The following ADGRV1 variants were observed in gnomAD, a reference collection of about 807,000 sequenced individuals.
ADGRV1 encodes the protein adhesion G protein-coupled receptor V1, also known as G-protein coupled receptor 98.
ADGRV1 carries 359 observed loss-of-function variants against 596.2 expected under a neutral mutation model. The observed-to-expected ratio is 0.60, with a 90% CI of 0.55 to 0.66. ADGRV1 has a LOEUF of 0.66. ADGRV1 is among the 30% of genes least tolerant of loss of function. ADGRV1 has a pLI of 0.00. For synonymous variants in ADGRV1, 2,681 were observed against 2,679.2 expected, an observed-to-expected ratio of 1.00 and a Z score of -0.02; for missense variants, 7,274 against 7,575.6, an observed-to-expected ratio of 0.96 and a Z score of 1.48.
At chr5:90,736,940 T>C (rs1753307007) in intron 50 of ADGRV1, among the ~76,000 whole-genome samples, 1 of 151,744 alleles carries the variant, frequency 6.6e-6, no homozygotes, top group Non-Finnish European at 1.5e-5. Context: ...TTTTTTCTAT[T>C]GTTTTTCTAG....
chr5:90,990,542 G>A (rs773662669), intron 85 of ADGRV1, among the ~76,000 whole-genome samples: 10 of 152,122 alleles, frequency 6.6e-5, no homozygotes, highest in Admixed American at 3.9e-4. Flanking sequence ...CTGACAGGAG[G>A]CAGACCTTAA....
At chr5:90,890,782 T>G (rs1420720383) in intron 83 of ADGRV1, among the ~76,000 whole-genome samples, 2 of 152,166 alleles carry the variant, frequency 1.3e-5, no homozygotes, top group Admixed American at 6.6e-5. Context: ...TTGTAACAAC[T>G]TATATTTCTA....
intron 50 of ADGRV1, among the ~76,000 whole-genome samples, chr5:90,733,941 G>A (rs1016300983): frequency 7.9e-5 from 12 of 151,856 alleles, no homozygotes; most frequent in Non-Finnish European, 1.2e-4. Context: ...GCTCTTCCCC[G>A]CCCTGGTGAC....
chr5:90,618,904 C>T (rs1414595290), intron 3 of ADGRV1, among the ~76,000 whole-genome samples, 182 bp from the exon 4 acceptor site: 2 of 151,778 alleles, frequency 1.3e-5, no homozygotes, highest in Non-Finnish European at 2.9e-5. Context: ...GAAAATTTTT[C>T]ATTTGGAACT....
At chr5:90,805,901 A>C (rs945140624) in intron 72 of ADGRV1, among the ~76,000 whole-genome samples, 1 of 152,168 alleles carries the variant, frequency 6.6e-6, no homozygotes, top group Non-Finnish European at 1.5e-5. Flanking sequence ...GTGAGATGCA[A>C]ATGTTAGATG....
intron 1 of ADGRV1, among the ~76,000 whole-genome samples, chr5:90,580,129 T>A (rs1242964164): frequency 6.6e-6 from 1 of 152,234 alleles, no homozygotes; most frequent in East Asian, 1.9e-4. Flanking sequence ...TTAATATTGT[T>A]ATGTGTGAAT....
intron 87 of ADGRV1, among the ~76,000 whole-genome samples, chr5:91,115,364 C>T (rs572399884): frequency 6.6e-6 from 1 of 152,240 alleles, no homozygotes; most frequent in East Asian, 1.9e-4. Flanking sequence ...AATGAAGATA[C>T]TTAGAGGTGC....
At chr5:90,716,825 A>AG (rs1472010003) in intron 43 of ADGRV1, 96 bp downstream of exon 43, 8 of 859,768 alleles carry the variant, frequency 9.3e-6, no homozygotes, top group Non-Finnish European at 1.4e-5. Flanking sequence ...GAATGAAAAA[A>AG]CAATACTTCC....
intron 59 of ADGRV1, among the ~76,000 whole-genome samples, chr5:90,770,701 C>T (rs941270949): frequency 6.6e-6 from 1 of 151,988 alleles, no homozygotes; most frequent in African/African-American, 2.4e-5. Context: ...AACAAACAAA[C>T]AAACAAACAA....
rs1255156922 is a variant in ADGRV1 at position 90,842,417 on chromosome 5, TG to T, written c.17019+1433del. ...TTGGAGGGATAAAATATATTTTAAA[TG>T]TTATAAAAATATTGTAATATTGTAA... On this transcript the variant is annotated intron_variant, in intron 78 of 89. Transcript: ENST00000405460. 3.9e-5 allele frequency among the ~76,000 whole-genome samples: 6 copies of T among 152,254 alleles called. No individual in the cohort carries two copies. In the East Asian group the frequency reaches 1.2e-3, roughly 29 times the overall value.
intron 1 of ADGRV1, among the ~76,000 whole-genome samples, chr5:90,564,625 A>ATATATTTTTTTTTTTT (rs1391157470): frequency 3.6e-4 from 12 of 33,598 alleles, no homozygotes; most frequent in African/African-American, 2.8e-3. Flanking sequence ...ATATATATAT[A>ATATATTTTTTTTTTTT]TTTTTTTTTT....
intron 87 of ADGRV1, among the ~76,000 whole-genome samples, chr5:91,114,017 G>A (rs958828037): frequency 4.6e-5 from 7 of 152,090 alleles, no homozygotes; most frequent in African/African-American, 1.7e-4. Context: ...AGGAGTTTGA[G>A]ACCAGCCTGG....
At chr5:91,013,717 T>A (rs1782914190) in intron 85 of ADGRV1, among the ~76,000 whole-genome samples, 1 of 152,162 alleles carries the variant, frequency 6.6e-6, no homozygotes, top group Admixed American at 6.6e-5. Flanking sequence ...TTTCATTAGA[T>A]CACATTTGTC....
rs559311398 is a variant in ADGRV1, at chr5:90,711,307, T to C, written c.9027T>C (p.Tyr3009=). The C allele has an allele frequency of 1.2e-6, 2 of 1,610,090 alleles. No homozygotes were observed. Among genetic ancestry groups the C allele is most frequent in the South Asian group, 2.2e-5 (2 of 89,644 alleles). The change falls in exon 41 of 90, where the codon TAT becomes TAC. Residue 3009 remains tyrosine, a synonymous_variant. Coordinates refer to ENST00000405460, the MANE Select transcript of ADGRV1 (RefSeq NM_032119.4). ...TGGAAGCACAAGTGGGGCTGGATTA[T>C]ATCTTCACCCCAATGGTGGGTCTCA... The part of the protein sequence containing the change: ...QNLEAQVGLD[Y]IFTPMILHFA...
chr5:90,950,170 C>T (rs142836959), intron 83 of ADGRV1, among the ~76,000 whole-genome samples: 1 of 152,226 alleles, frequency 6.6e-6, no homozygotes, highest in East Asian at 1.9e-4. Flanking sequence ...AAAGGAATGT[C>T]TTATTCCCAC....
chr5:90,629,103 C>A, intron 8 of ADGRV1, 107 bp from the exon 9 acceptor site: 1 of 639,138 alleles, frequency 1.6e-6, no homozygotes, highest in Non-Finnish European at 2.4e-6. Context: ...CATTTTTAGA[C>A]ATAAAATATT....
chr5:90,685,649 A>T (rs1370775553), intron 28 of ADGRV1, 131 bp from the exon 29 acceptor site: 2 of 354,076 alleles, frequency 5.6e-6, no homozygotes, highest in Admixed American at 4.6e-5. Context: ...TAAAATAAAT[A>T]GTAGAGGGAA....
chr5:91,122,993 T>C (rs1478358365), intron 87 of ADGRV1, among the ~76,000 whole-genome samples: 4 of 152,134 alleles, frequency 2.6e-5, no homozygotes, highest in African/African-American at 9.7e-5. Flanking sequence ...AAAATCAATT[T>C]CCCCTGGTCA....
intron 29 of ADGRV1, among the ~76,000 whole-genome samples, chr5:90,687,113 C>T (rs1432238739): frequency 6.6e-6 from 1 of 151,840 alleles, no homozygotes. Flanking sequence ...GGATATTAGC[C>T]CTTTGTCAGA....
Sources: gnomAD v4.1 joint callset for allele counts (sites outside exome capture counted in the v4.1 genomes callset) on GRCh38, gnomAD v4.1.1 for gene constraint, MANE v1.5 for transcripts, NCBI Gene and HGNC (gene_info 2026-07-23, HGNC 2026-07-21) for gene names.